TMOD1: variants seen among roughly 807,000 people sequenced by gnomAD.
TMOD1 encodes tropomodulin 1.
In TMOD1, 17 loss-of-function variants were observed where a neutral mutation model predicts 40.6. The observed-to-expected ratio is 0.42, with a 90% CI of 0.29 to 0.63. The LOEUF (loss-of-function observed/expected upper bound fraction) is 0.63. Ranked by LOEUF, TMOD1 falls within the 20% of genes least tolerant of loss-of-function variation. TMOD1 has a pLI of 0.22. For missense variants in TMOD1, 391 were observed against 447.6 expected (o/e 0.87, Z 1.14); for synonymous variants, 181 against 175.0 (o/e 1.03, Z -0.27).
chr9:97,562,894 A>C, intron 5 of TMOD1, 73 bp downstream of exon 5: 6 of 1,263,982 alleles, frequency 4.7e-6, no homozygotes, highest in South Asian at 1.4e-5. Context: ...TCTCTGGCTC[A>C]TTGCAGAAGT....
At chr9:97,540,120 T>C (rs1231973793) in intron 2 of TMOD1, among the ~76,000 whole-genome samples, 1 of 152,178 alleles carries the variant, frequency 6.6e-6, no homozygotes, top group African/African-American at 2.4e-5. Flanking sequence ...AGAAACCTCA[T>C]GCCCATTAGC....
chr9:97,544,361 C>A (rs187562062), intron 2 of TMOD1, among the ~76,000 whole-genome samples: 35 of 152,122 alleles, frequency 2.3e-4, no homozygotes, highest in Non-Finnish European at 4.6e-4. Context: ...TATGGTGAAA[C>A]CCTGTCTTTA....
chr9:97,543,985 G>T (rs10817737), intron 2 of TMOD1, among the ~76,000 whole-genome samples: 60,513 of 151,962 alleles, frequency 0.4, 12,393 homozygotes, highest in East Asian at 0.61. Context: ...GTCAGGCCTT[G>T]ATTTTCTACC....
rs961778191 is a variant in TMOD1 at position 97,524,167 on chromosome 9, G to A, written c.-22G>A. 4.3e-6 allele frequency: 7 copies of A among 1,611,566 alleles called. No homozygotes were observed. Among genetic ancestry groups the A allele is most frequent in the Non-Finnish European group, 5.9e-6 (7 of 1,178,968 alleles). ...TATTACTCAGCACAGAAATTCAGGA[G>A]ACACAGACAAGTTCTTCCACGATGT... On this transcript the variant is annotated 5_prime_UTR_variant, in exon 2 of 10. Transcript: ENST00000259365.
chr9:97,586,881 A>ACCCACTGACCCGCG (rs1435974405), intron 8 of TMOD1, among the ~76,000 whole-genome samples: 2 of 152,086 alleles, frequency 1.3e-5, no homozygotes, highest in East Asian at 3.9e-4. Context: ...CGGTGCACGC[A>ACCCACTGACCCGCG]CCCACTGACC....
chr9:97,519,080 C>T (rs760962206), intron 1 of TMOD1, among the ~76,000 whole-genome samples: 20 of 152,248 alleles, frequency 1.3e-4, no homozygotes, highest in Non-Finnish European at 1.5e-4. Context: ...GATGATGCCG[C>T]GTAAGTGCCT....
At chr9:97,535,621 A>G (rs915396868) in intron 2 of TMOD1, among the ~76,000 whole-genome samples, 4 of 152,232 alleles carry the variant, frequency 2.6e-5, no homozygotes, top group Admixed American at 6.5e-5. Flanking sequence ...CCAGCACAAC[A>G]GGAACATGGA....
In TMOD1 at chr9:97,564,096, C is replaced by T. The variant is rs138235564; in HGVS notation, c.546C>T (p.Asp182=). 106 of 1,614,148 alleles carry T rather than the reference C, an allele frequency of 6.6e-5. No individual in the cohort carries two copies. The African/African-American group carries it at 1.1e-3, about 17-fold the overall frequency. Residue 182 remains aspartate, a synonymous_variant, in exon 6 of 10, where the codon GAC becomes GAT. Coordinates refer to ENST00000259365, the MANE Select transcript of TMOD1 (RefSeq NM_003275.4). The stretch of plus-strand genomic sequence containing the variant: ...CCGACGAAGAACCAAATTCAACAGA[C>T]GTAGAGGAAACGCTGGAACGGATAA... ...PVPDEEPNST[D]VEETLERIKN...
chr9:97,600,027 G>A lies in TMOD1; in HGVS notation c.*329G>A. On this transcript the variant is annotated 3_prime_UTR_variant, in exon 10 of 10. Coordinates refer to ENST00000259365, the MANE Select transcript of TMOD1 (RefSeq NM_003275.4). ...CCAGTTTCAATGGCCTTGCTGTGTG[G>A]TGTTTCAAGTGCATTTAAAATGTGT... is the stretch of plus-strand genomic sequence containing the variant. 3.6e-6 allele frequency: 4 copies of A among 1,105,950 alleles called. No homozygotes were observed. Among genetic ancestry groups the A allele is most frequent in the South Asian group, 3.0e-5 (1 of 33,418 alleles). The allele number at this position is 1,105,950 out of a possible 1,614,324, so 68.5% of individuals were successfully genotyped here.
chr9:97,504,986 T>C (rs1829570474), intron 1 of TMOD1, among the ~76,000 whole-genome samples: 1 of 152,232 alleles, frequency 6.6e-6, no homozygotes, highest in African/African-American at 2.4e-5. Flanking sequence ...ATGAACCAGA[T>C]AGCACAATTC....
At chr9:97,531,758 A>C (rs1830106504) in intron 2 of TMOD1, among the ~76,000 whole-genome samples, 1 of 152,180 alleles carries the variant, frequency 6.6e-6, no homozygotes, top group African/African-American at 2.4e-5. Context: ...CCGGTAGAGA[A>C]AGCCTGATTT....
chr9:97,556,106 G>C (rs1319229375), intron 4 of TMOD1, among the ~76,000 whole-genome samples: 1 of 151,822 alleles, frequency 6.6e-6, no homozygotes, highest in African/African-American at 2.4e-5. Context: ...GGAGAGGAGG[G>C]GGTGTTCTGG....
intron 8 of TMOD1, among the ~76,000 whole-genome samples, chr9:97,571,784 G>A (rs1587950558): frequency 6.6e-6 from 1 of 152,338 alleles, no homozygotes; most frequent in African/African-American, 2.4e-5. Flanking sequence ...AGCAGCTGTG[G>A]TTTCATGTGA....
chr9:97,583,451 T>A (rs1344560971), intron 8 of TMOD1, among the ~76,000 whole-genome samples: 1 of 151,870 alleles, frequency 6.6e-6, no homozygotes, highest in Non-Finnish European at 1.5e-5. Context: ...AGGATATTGG[T>A]CGAAAATTCT....
intron 4 of TMOD1, among the ~76,000 whole-genome samples, chr9:97,555,009 G>C (rs73550741): frequency 0.028 from 4,281 of 152,124 alleles, 195 homozygotes; most frequent in African/African-American, 0.097. Flanking sequence ...CAGGAGACAG[G>C]GAATTTGAAG....
At chr9:97,545,027 A>G (rs1261739229) in intron 2 of TMOD1, among the ~76,000 whole-genome samples, 1 of 150,214 alleles carries the variant, frequency 6.7e-6, no homozygotes, top group Admixed American at 6.7e-5. Context: ...AAAAAAAAAA[A>G]GGTTGGAGGT....
At chr9:97,572,888 A>G (rs1435604966) in intron 8 of TMOD1, among the ~76,000 whole-genome samples, 1 of 152,148 alleles carries the variant, frequency 6.6e-6, no homozygotes, top group East Asian at 1.9e-4. Flanking sequence ...TCTCCAAGCA[A>G]TGTTCTGTTG....
At chr9:97,533,937 C>T (rs2149987) in intron 2 of TMOD1, among the ~76,000 whole-genome samples, 84,789 of 152,058 alleles carry the variant, frequency 0.56, 23,945 homozygotes, top group East Asian at 0.66. Flanking sequence ...GAGTCCTAGA[C>T]TTTGTCCAGC....
chr9:97,574,503 C>T (rs545402464), intron 8 of TMOD1, among the ~76,000 whole-genome samples: 1 of 152,344 alleles, frequency 6.6e-6, no homozygotes, highest in East Asian at 1.9e-4. Context: ...CGACAAGCGC[C>T]GCCCCCTGCT....
Sources: gnomAD v4.1 joint callset for allele counts (sites outside exome capture counted in the v4.1 genomes callset) on GRCh38, gnomAD v4.1.1 for gene constraint, MANE v1.5 for transcripts, NCBI Gene and HGNC (gene_info 2026-07-23, HGNC 2026-07-21) for gene names.